The following ACYP2 variants were observed in gnomAD, a reference collection of about 807,000 sequenced individuals.
ACYP2 encodes the protein acylphosphatase 2.
In ACYP2, 12 loss-of-function variants were observed where a neutral mutation model predicts 11.2. That is an observed-to-expected ratio of 1.08 (90% CI 0.69 to 1.74). The LOEUF (loss-of-function observed/expected upper bound fraction) is 1.74, where lower values mean the gene tolerates loss of function less well. ACYP2 is among the 40% of genes most tolerant of loss of function. The pLI is 0.00. For missense variants in ACYP2, 134 were observed against 101.9 expected (o/e 1.31, Z -1.35); for synonymous variants, 43 against 32.2 (o/e 1.33, Z -1.13).
intron 4 of ACYP2, among the ~76,000 whole-genome samples, chr2:54,113,361 G>C (rs546145626): frequency 1.3e-5 from 2 of 151,560 alleles, no homozygotes; most frequent in African/African-American, 2.4e-5. Context: ...TCCCACCTCA[G>C]CCTCCCAAGT....
intron 2 of ACYP2, among the ~76,000 whole-genome samples, chr2:53,977,780 A>G (rs1201093255): frequency 6.6e-6 from 1 of 150,570 alleles, no homozygotes; most frequent in Non-Finnish European, 1.5e-5. Context: ...TTCTGGATCC[A>G]GTAACGCTGC....
At chr2:54,018,143 G>A (rs1175775664) in intron 2 of ACYP2, among the ~76,000 whole-genome samples, 1 of 152,178 alleles carries the variant, frequency 6.6e-6, no homozygotes, top group African/African-American at 2.4e-5. Context: ...TATTGCAATA[G>A]CTAGGTAGCC....
At chr2:54,068,169 T>G (rs569806891) in intron 4 of ACYP2, among the ~76,000 whole-genome samples, 1 of 152,222 alleles carries the variant, frequency 6.6e-6, no homozygotes, top group Non-Finnish European at 1.5e-5. Context: ...TTTAGTTGGT[T>G]CATCCCAGGA....
At chr2:54,041,851 C>T (rs978177679) in intron 2 of ACYP2, among the ~76,000 whole-genome samples, 1 of 152,028 alleles carries the variant, frequency 6.6e-6, no homozygotes, top group African/African-American at 2.4e-5. Context: ...AGTACACTGG[C>T]ACGATCACAG....
chr2:54,114,576 TG>T (rs1679643040), intron 4 of ACYP2, among the ~76,000 whole-genome samples: 2 of 152,040 alleles, frequency 1.3e-5, no homozygotes, highest in Non-Finnish European at 2.9e-5. Flanking sequence ...CCCAGCTACT[TG>T]GAAGGCTGAG....
intron 2 of ACYP2, among the ~76,000 whole-genome samples, chr2:54,024,708 A>C (rs1389715615): frequency 6.6e-6 from 1 of 152,204 alleles, no homozygotes; most frequent in Admixed American, 6.5e-5. Context: ...CACCACTTCT[A>C]TTCAACATAG....
At chr2:54,290,440 T>C (rs1689255909) in intron 6 of ACYP2, among the ~76,000 whole-genome samples, 1 of 151,858 alleles carries the variant, frequency 6.6e-6, no homozygotes, top group Admixed American at 6.5e-5. Context: ...GCCGGGAAAA[T>C]ACAGAGCTTT....
rs142163991 is a variant in ACYP2, at chr2:54,199,739, T to C, written c.404+60991T>C. Among the ~76,000 whole-genome samples, 715 of 152,308 alleles carry C rather than the reference T, an allele frequency of 4.7e-3. 9 individuals are homozygous for C. The highest frequency in any genetic ancestry group is 0.016 in the African/African-American group (680 of 41,580). ...GAAATACAGAGTTGTGAAGTTTGGA[T>C]TTACCTTGGTTTAAGAACTATGGAG... is the stretch of plus-strand genomic sequence containing the variant. On this transcript the variant is annotated intron_variant, in intron 6 of 6. Transcript: ENST00000607452.
intron 4 of ACYP2, among the ~76,000 whole-genome samples, chr2:54,061,604 A>G (rs1676472559): frequency 6.6e-6 from 1 of 152,236 alleles, no homozygotes. Flanking sequence ...AAGGGTTTTA[A>G]TGGGAGCCTA....
At chr2:54,089,595 T>C (rs1678115405) in intron 4 of ACYP2, among the ~76,000 whole-genome samples, 1 of 151,194 alleles carries the variant, frequency 6.6e-6, no homozygotes. Flanking sequence ...AAAAAATTAG[T>C]TGGGCATGGT....
At chr2:54,238,261 G>C (rs1301803059) in intron 6 of ACYP2, among the ~76,000 whole-genome samples, 3 of 151,978 alleles carry the variant, frequency 2.0e-5, no homozygotes, top group Non-Finnish European at 4.4e-5. Flanking sequence ...CTTATTCTTT[G>C]TCTCTCTCCA....
At chr2:54,087,721 C>G (rs538462370) in intron 4 of ACYP2, among the ~76,000 whole-genome samples, 1 of 152,118 alleles carries the variant, frequency 6.6e-6, no homozygotes, top group African/African-American at 2.4e-5. Context: ...AAAAGTATTG[C>G]TCAAGACATA....
chr2:54,278,675 C>CT (rs1339381912), intron 6 of ACYP2, among the ~76,000 whole-genome samples: 3 of 152,028 alleles, frequency 2.0e-5, no homozygotes, highest in Non-Finnish European at 4.4e-5. Context: ...TAACAGCATA[C>CT]TTTTTTTTAA....
At chr2:54,266,529 T>C (rs962866839) in intron 6 of ACYP2, among the ~76,000 whole-genome samples, 2 of 146,120 alleles carry the variant, frequency 1.4e-5, no homozygotes, top group East Asian at 2.1e-4. Context: ...TGCAGAAATA[T>C]ATAGATATAG....
At chr2:54,271,648 C>G (rs960396417) in intron 6 of ACYP2, among the ~76,000 whole-genome samples, 1 of 151,988 alleles carries the variant, frequency 6.6e-6, no homozygotes, top group Admixed American at 6.6e-5. Context: ...TAACCCCAGT[C>G]CTTCTGCTTG....
chr2:54,226,928 C>T (rs1686033070), intron 6 of ACYP2, among the ~76,000 whole-genome samples: 1 of 152,086 alleles, frequency 6.6e-6, no homozygotes, highest in Non-Finnish European at 1.5e-5. Flanking sequence ...TATATTTTTT[C>T]CTAAATAGAT....
chr2:54,173,786 T>G (rs919577407), intron 6 of ACYP2, among the ~76,000 whole-genome samples: 2 of 152,230 alleles, frequency 1.3e-5, no homozygotes, highest in African/African-American at 4.8e-5. Context: ...CACCATTTAT[T>G]AAATAGAGAA....
intron 1 of ACYP2, chr2:53,973,641 A>T (rs569462906): frequency 4.9e-6 from 1 of 204,552 alleles, no homozygotes; most frequent in East Asian, 1.0e-4. Context: ...ATTGCACTTA[A>T]CTCCACCACC....
At chr2:54,127,630 C>T (rs941784929) in intron 4 of ACYP2, among the ~76,000 whole-genome samples, 1 of 151,850 alleles carries the variant, frequency 6.6e-6, no homozygotes, top group Non-Finnish European at 1.5e-5. Context: ...CACCTGTAGT[C>T]CCAGTTACTC....
Sources: gnomAD v4.1 joint callset for allele counts (sites outside exome capture counted in the v4.1 genomes callset) on GRCh38, gnomAD v4.1.1 for gene constraint, MANE v1.5 for transcripts, NCBI Gene and HGNC (gene_info 2026-07-23, HGNC 2026-07-21) for gene names.